Variants in LRP1B observed in about 807,000 individuals in gnomAD.
LRP1B encodes the protein low-density lipoprotein receptor-related protein 1B.
In LRP1B, 217 loss-of-function variants were observed where a neutral mutation model predicts 556.6. The observed-to-expected ratio is 0.39, with a 90% CI of 0.35 to 0.44. The LOEUF (loss-of-function observed/expected upper bound fraction) is 0.44. Among genes scored for constraint, LRP1B ranks in the 20% least tolerant of loss-of-function variants. LRP1B has a pLI of 1.00. For synonymous variants in LRP1B, 2,047 were observed against 1,865.8 expected (o/e 1.10, Z -2.50); for missense variants, 5,053 against 5,620.8 (o/e 0.90, Z 3.23).
chr2:142,054,601 T>G (rs1448094457), intron 1 of LRP1B, among the ~76,000 whole-genome samples: 1 of 152,128 alleles, frequency 6.6e-6, no homozygotes, highest in Non-Finnish European at 1.5e-5. Context: ...CGATGACACA[T>G]AGTCAAATTC....
chr2:140,325,541 G>A (rs966013286), intron 80 of LRP1B, among the ~76,000 whole-genome samples: 1 of 152,218 alleles, frequency 6.6e-6, no homozygotes, highest in East Asian at 1.9e-4. Flanking sequence ...GGCAGCAATG[G>A]CCATGTTTGT....
intron 23 of LRP1B, chr2:140,899,058 T>A: frequency 3.4e-6 from 1 of 290,890 alleles, no homozygotes; most frequent in South Asian, 3.5e-5. Flanking sequence ...GTAATCTTTT[T>A]AAAATAAACT....
intron 21 of LRP1B, among the ~76,000 whole-genome samples, chr2:140,915,377 G>T (rs773061835): frequency 2.6e-5 from 4 of 151,964 alleles, no homozygotes; most frequent in Non-Finnish European, 5.9e-5. Flanking sequence ...GTTTGGGGGC[G>T]CTGGCTCACA....
At chr2:140,254,257 C>T (rs1305924096) in intron 86 of LRP1B, among the ~76,000 whole-genome samples, 1 of 152,066 alleles carries the variant, frequency 6.6e-6, no homozygotes, top group Non-Finnish European at 1.5e-5. Context: ...TTATTCTATA[C>T]AAATTTAGGG....
At chr2:142,039,884 C>T (rs78732603) in intron 1 of LRP1B, among the ~76,000 whole-genome samples, 10,384 of 151,416 alleles carry the variant, frequency 0.069, 501 homozygotes, top group South Asian at 0.17. Context: ...GGACATAGAT[C>T]GAGAGGATGG....
chr2:141,088,998 G>A (rs973189511), intron 7 of LRP1B, among the ~76,000 whole-genome samples: 6 of 152,046 alleles, frequency 3.9e-5, no homozygotes, highest in Non-Finnish European at 8.8e-5. Flanking sequence ...GTATTATAAA[G>A]CTTTTTCATG....
chr2:141,336,966 G>C (rs1266288843), intron 3 of LRP1B, among the ~76,000 whole-genome samples: 1 of 152,136 alleles, frequency 6.6e-6, no homozygotes, highest in African/African-American at 2.4e-5. Flanking sequence ...CTTATGTCCA[G>C]TTTATGTTAG....
intron 1 of LRP1B, among the ~76,000 whole-genome samples, chr2:142,090,336 T>C (rs1324259782): frequency 3.3e-5 from 5 of 152,140 alleles, no homozygotes; most frequent in Admixed American, 1.3e-4. Flanking sequence ...GTTATATCTC[T>C]CATAACAACC....
At chr2:141,436,186 A>G (rs1680758748) in intron 3 of LRP1B, among the ~76,000 whole-genome samples, 1 of 152,240 alleles carries the variant, frequency 6.6e-6, no homozygotes, top group Non-Finnish European at 1.5e-5. Context: ...ATATGTACAT[A>G]TGTATACATT....
chr2:140,279,422 G>C (rs530854096), intron 84 of LRP1B, among the ~76,000 whole-genome samples: 1 of 151,938 alleles, frequency 6.6e-6, no homozygotes, highest in Non-Finnish European at 1.5e-5. Context: ...TATCTGCAAT[G>C]TTAATAAATC....
chr2:140,275,559 G>A (rs965199079), intron 84 of LRP1B, among the ~76,000 whole-genome samples: 3 of 151,934 alleles, frequency 2.0e-5, no homozygotes, highest in Admixed American at 6.6e-5. Context: ...CCCTGTACAC[G>A]TAGCAGAACA....
chr2:140,435,544 G>A (rs1257040053), intron 66 of LRP1B, among the ~76,000 whole-genome samples: 1 of 151,896 alleles, frequency 6.6e-6, no homozygotes, highest in Non-Finnish European at 1.5e-5. Context: ...TTCTCTTACG[G>A]CTTTTGCTAC....
chr2:141,966,681 CA>C (rs1055779887), intron 1 of LRP1B, among the ~76,000 whole-genome samples: 52 of 151,742 alleles, frequency 3.4e-4, no homozygotes, highest in African/African-American at 1.2e-3. Context: ...CTTATTCTAC[CA>C]ATAAGATTCT....
At chr2:141,617,106 A>G (rs1010429834) in intron 2 of LRP1B, among the ~76,000 whole-genome samples, 1 of 152,194 alleles carries the variant, frequency 6.6e-6, no homozygotes, top group Non-Finnish European at 1.5e-5. Flanking sequence ...GTATATCTCT[A>G]TAAAATAGCT....
chr2:140,404,168 CTTT>C (rs68017900), intron 66 of LRP1B, among the ~76,000 whole-genome samples: 1,307 of 92,332 alleles, frequency 0.014, 9 homozygotes, highest in African/African-American at 0.054. Context: ...AATAGAACTT[CTTT>C]TTTTTTTTTT....
chr2:141,934,066 C>G (rs958356340), intron 1 of LRP1B, among the ~76,000 whole-genome samples: 1 of 151,980 alleles, frequency 6.6e-6, no homozygotes, highest in African/African-American at 2.4e-5. Flanking sequence ...AAAATGACTA[C>G]AAAAGCAATC....
intron 81 of LRP1B, 140 bp from the exon 82 acceptor site, chr2:140,322,228 T>C (rs1313772496): frequency 4.1e-6 from 3 of 737,358 alleles, no homozygotes; most frequent in South Asian, 1.8e-5. Context: ...GTGGAGTATC[T>C]CACTCAATAT....
chr2:141,277,108 A>C (rs1685329380), intron 3 of LRP1B, among the ~76,000 whole-genome samples: 1 of 152,186 alleles, frequency 6.6e-6, no homozygotes, highest in Non-Finnish European at 1.5e-5. Flanking sequence ...ATGCAAGTGC[A>C]TACGTCTTTA....
intron 7 of LRP1B, among the ~76,000 whole-genome samples, chr2:141,069,499 C>T (rs1290505884): frequency 1.3e-5 from 2 of 152,024 alleles, no homozygotes; most frequent in Non-Finnish European, 1.5e-5. Context: ...AGTCTAGGCC[C>T]TATCAGCAAG....
Sources: gnomAD v4.1 joint callset for allele counts (sites outside exome capture counted in the v4.1 genomes callset) on GRCh38, gnomAD v4.1.1 for gene constraint, MANE v1.5 for transcripts, NCBI Gene and HGNC (gene_info 2026-07-23, HGNC 2026-07-21) for gene names.